IMMP2L: variants seen among roughly 807,000 people sequenced by gnomAD.
The protein encoded by IMMP2L is inner mitochondrial membrane peptidase subunit 2.
Under a neutral mutation model 19.3 loss-of-function variants are expected in IMMP2L, and 18 were observed. The ratio of observed to expected loss-of-function variants is 0.93; its 90% CI spans 0.64 to 1.38. The LOEUF (loss-of-function observed/expected upper bound fraction) is 1.38, where lower values mean the gene tolerates loss of function less well. IMMP2L is among the 40% of genes most tolerant of loss of function. The pLI is 0.00. For missense variants in IMMP2L, 233 were observed against 218.2 expected (o/e 1.07, Z -0.43); for synonymous variants, 76 against 73.0 (o/e 1.04, Z -0.21).
intron 3 of IMMP2L, among the ~76,000 whole-genome samples, chr7:111,030,490 T>TA (rs1318898407): frequency 6.1e-5 from 8 of 131,152 alleles, no homozygotes; most frequent in Admixed American, 1.5e-4. Context: ...TCTGTACAGT[T>TA]AAAATATCTA....
chr7:111,185,411 T>C (rs10487306), intron 3 of IMMP2L, among the ~76,000 whole-genome samples: 6,281 of 152,206 alleles, frequency 0.041, 154 homozygotes, highest in Middle Eastern at 0.099. Flanking sequence ...GTTCATTGCA[T>C]TTAGAAACTG....
chr7:110,744,750 C>T (rs1402708337), intron 5 of IMMP2L, among the ~76,000 whole-genome samples: 3 of 152,188 alleles, frequency 2.0e-5, no homozygotes, highest in African/African-American at 4.8e-5. Context: ...TGAAGGTCAT[C>T]GACTTCAAAG....
intron 3 of IMMP2L, among the ~76,000 whole-genome samples, chr7:111,466,444 C>T (rs1218592021): frequency 1.3e-5 from 2 of 152,118 alleles, no homozygotes; most frequent in East Asian, 3.9e-4. Context: ...AATTATAAAC[C>T]ATCTTTTTAA....
chr7:111,208,308 C>T (rs1181657072), intron 3 of IMMP2L, among the ~76,000 whole-genome samples: 1 of 152,108 alleles, frequency 6.6e-6, no homozygotes, highest in African/African-American at 2.4e-5. Flanking sequence ...TTGTAATAGG[C>T]CAAGAAAAGG....
chr7:111,136,389 GAT>G (rs1263232997), intron 3 of IMMP2L, among the ~76,000 whole-genome samples: 1 of 152,104 alleles, frequency 6.6e-6, no homozygotes, highest in Non-Finnish European at 1.5e-5. Flanking sequence ...GGTAGCCTGA[GAT>G]ATTTGTTTCT....
chr7:111,217,575 A>T (rs1812086542), intron 3 of IMMP2L, among the ~76,000 whole-genome samples: 1 of 152,172 alleles, frequency 6.6e-6, no homozygotes, highest in Non-Finnish European at 1.5e-5. Flanking sequence ...AGGGATATCA[A>T]TGCTGAGTAC....
intron 3 of IMMP2L, among the ~76,000 whole-genome samples, chr7:111,055,261 A>G (rs982344513): frequency 3.3e-5 from 5 of 151,694 alleles, no homozygotes; most frequent in African/African-American, 1.2e-4. Flanking sequence ...CTGGTCTCAA[A>G]CTCTTGACTT....
rs62464018 is a variant in IMMP2L, at chr7:110,936,412, A to C, written c.305+27088T>G. ...AAGGATATGAATAGACACTTGCCAAAAGAATACATTTATGTGGCCAACAAA... is the reference window on the plus strand; with the variant it reads ...AAGGATATGAATAGACACTTGCCAACAGAATACATTTATGTGGCCAACAAA... On this transcript the variant is annotated intron_variant, in intron 4 of 5. Coordinates refer to ENST00000405709, the MANE Select transcript of IMMP2L (RefSeq NM_032549.4). Among the ~76,000 whole-genome samples the C allele has an allele frequency of 2.8e-4, 43 of 152,346 alleles. 1 individual carries two copies. The highest frequency in any genetic ancestry group is 5.3e-4 in the Non-Finnish European group (36 of 68,018).
chr7:111,210,532 C>T (rs1360139439), intron 3 of IMMP2L, among the ~76,000 whole-genome samples: 2 of 152,088 alleles, frequency 1.3e-5, no homozygotes, highest in African/African-American at 2.4e-5. Flanking sequence ...TATCTTCTCA[C>T]TACCATTGGA....
intron 3 of IMMP2L, among the ~76,000 whole-genome samples, chr7:111,024,851 T>G (rs983116895): frequency 6.6e-6 from 1 of 152,224 alleles, no homozygotes; most frequent in African/African-American, 2.4e-5. Context: ...TATTTTTACT[T>G]GTCTTTCAAA....
chr7:110,774,740 T>C (rs1187843300), intron 5 of IMMP2L, among the ~76,000 whole-genome samples: 1 of 152,050 alleles, frequency 6.6e-6, no homozygotes, highest in Admixed American at 6.6e-5. Context: ...CAGGCTATAC[T>C]GTATAGCCTA....
At chr7:111,209,336 G>A (rs1229845985) in intron 3 of IMMP2L, among the ~76,000 whole-genome samples, 1 of 148,266 alleles carries the variant, frequency 6.7e-6, no homozygotes, top group Non-Finnish European at 1.5e-5. Context: ...GACGGAGGTT[G>A]CAGTGAGCTG....
intron 3 of IMMP2L, among the ~76,000 whole-genome samples, chr7:111,278,077 G>A (rs989168299): frequency 1.4e-4 from 21 of 152,182 alleles, no homozygotes; most frequent in African/African-American, 5.1e-4. Context: ...TATGAAAGGT[G>A]AGAGGATGGG....
chr7:111,227,295 T>TTTAATATTA, intron 3 of IMMP2L, among the ~76,000 whole-genome samples: 1 of 152,090 alleles, frequency 6.6e-6, no homozygotes. Context: ...TCCTTCTCCA[T>TTTAATATTA]TTTCTATATT....
intron 3 of IMMP2L, among the ~76,000 whole-genome samples, chr7:111,333,354 G>A (rs1826062283): frequency 6.6e-6 from 1 of 151,976 alleles, no homozygotes; most frequent in African/African-American, 2.4e-5. Context: ...CAGCATTTAA[G>A]TGTTGTTAAC....
intron 5 of IMMP2L, among the ~76,000 whole-genome samples, chr7:110,813,455 T>A (rs1024290727): frequency 6.6e-6 from 1 of 150,808 alleles, no homozygotes; most frequent in African/African-American, 2.4e-5. Flanking sequence ...TGAGACAGGG[T>A]CTTGCTCTGT....
At chr7:111,491,973 T>C (rs1223690232) in intron 2 of IMMP2L, among the ~76,000 whole-genome samples, 1 of 151,670 alleles carries the variant, frequency 6.6e-6, no homozygotes, top group Non-Finnish European at 1.5e-5. Flanking sequence ...CCTTGGTCTC[T>C]TTTACTGGTG....
intron 3 of IMMP2L, among the ~76,000 whole-genome samples, chr7:111,002,110 A>T (rs551885566): frequency 1.4e-4 from 21 of 152,228 alleles, no homozygotes; most frequent in African/African-American, 5.1e-4. Context: ...TCCTGATACT[A>T]TGAGAGTCAA....
At chr7:111,132,534 C>T (rs1304046919) in intron 3 of IMMP2L, among the ~76,000 whole-genome samples, 1 of 152,050 alleles carries the variant, frequency 6.6e-6, no homozygotes, top group African/African-American at 2.4e-5. Context: ...CAGAACACCA[C>T]ATCAACACCA....
Sources: gnomAD v4.1 joint callset for allele counts (sites outside exome capture counted in the v4.1 genomes callset) on GRCh38, gnomAD v4.1.1 for gene constraint, MANE v1.5 for transcripts, NCBI Gene and HGNC (gene_info 2026-07-23, HGNC 2026-07-21) for gene names.